The following ANAPC10 variants were observed in gnomAD, a reference collection of about 807,000 sequenced individuals.
The protein encoded by ANAPC10 is anaphase-promoting complex subunit 10.
Under a neutral mutation model 22.0 loss-of-function variants are expected in ANAPC10, and 12 were observed. The observed-to-expected ratio is 0.55, with a 90% CI of 0.35 to 0.88. ANAPC10 has a LOEUF of 0.88. Ranked by LOEUF, ANAPC10 falls within the 40% of genes least tolerant of loss-of-function variation. The pLI, the probability that ANAPC10 is intolerant of heterozygous loss-of-function variation, is 0.01. For synonymous variants in ANAPC10, 65 were observed against 69.5 expected (o/e 0.94, Z 0.32); for missense variants, 188 against 220.9 (o/e 0.85, Z 0.94).
chr4:145,069,961 T>C lies in ANAPC10; in HGVS notation c.207-5269A>G, dbSNP rs865815527. On this transcript the variant is annotated intron_variant, in intron 3 of 4. Transcript: ENST00000507656. The stretch of plus-strand genomic sequence containing the variant: ...TTTTTCATAAAATTGTTATTTATGT[T>C]GTTAACACATAATAGGTTAATTATT... 3.9e-5 allele frequency among the ~76,000 whole-genome samples: 6 copies of C among 152,342 alleles called. 1 individual carries two copies. The highest frequency in any genetic ancestry group is 7.2e-5 in the African/African-American group (3 of 41,584).
chr4:145,036,228 G>A (rs538310405), intron 4 of ANAPC10, among the ~76,000 whole-genome samples: 8 of 152,086 alleles, frequency 5.3e-5, no homozygotes, highest in African/African-American at 1.9e-4. Context: ...TGAAGATAAG[G>A]GAAGTAGATG....
At chr4:145,087,654 G>A (rs1223635925) in intron 2 of ANAPC10, among the ~76,000 whole-genome samples, 1 of 152,182 alleles carries the variant, frequency 6.6e-6, no homozygotes, top group Non-Finnish European at 1.5e-5. Flanking sequence ...ATAGTTTCAT[G>A]TAGCTAGTAG....
At chr4:145,065,249 C>G (rs1302028762) in intron 3 of ANAPC10, among the ~76,000 whole-genome samples, 1 of 151,866 alleles carries the variant, frequency 6.6e-6, no homozygotes, top group East Asian at 1.9e-4. Flanking sequence ...TTAAAATATA[C>G]ATATCCTAGG....
rs1335277962 is a variant in ANAPC10, at chr4:145,054,656, T to C, written c.327+9916A>G. On this transcript the variant is annotated intron_variant, in intron 4 of 4. Transcript: ENST00000507656. ...GTGTGTGTGTGCGCGCGCGCGCGCGTGCGTGCAGCGCATGTGTGTGTGTGT... is the reference window on the plus strand; with the variant it reads ...GTGTGTGTGTGCGCGCGCGCGCGCGCGCGTGCAGCGCATGTGTGTGTGTGT... Among the ~76,000 whole-genome samples, 405 of 140,780 alleles carry C rather than the reference T, an allele frequency of 2.9e-3. 1 individual carries two copies. Among genetic ancestry groups the C allele is most frequent in the Non-Finnish European group, 4.8e-3 (315 of 64,950 alleles). The allele number at this position is 140,780 out of a possible 152,430, so 92.4% of individuals were successfully genotyped here.
intron 4 of ANAPC10, among the ~76,000 whole-genome samples, chr4:145,013,530 T>TA (rs1392025592): frequency 6.6e-6 from 1 of 152,142 alleles, no homozygotes; most frequent in African/African-American, 2.4e-5. Flanking sequence ...CAATCATTAA[T>TA]AAAAAACAGC....
chr4:144,998,430 G>T (rs546905830), intron 4 of ANAPC10, among the ~76,000 whole-genome samples: 1 of 152,212 alleles, frequency 6.6e-6, no homozygotes, highest in Admixed American at 6.5e-5. Context: ...TCAGACCACA[G>T]GGCAATAAAA....
At chr4:145,029,882 C>G (rs1445917888) in intron 4 of ANAPC10, among the ~76,000 whole-genome samples, 1 of 152,052 alleles carries the variant, frequency 6.6e-6, no homozygotes, top group East Asian at 1.9e-4. Flanking sequence ...AGGGCAGCAC[C>G]CCCATTTTTG....
At chr4:145,075,340 T>C (rs1460872277) in intron 3 of ANAPC10, among the ~76,000 whole-genome samples, 1 of 152,192 alleles carries the variant, frequency 6.6e-6, no homozygotes, top group East Asian at 1.9e-4. Flanking sequence ...ATTACATTTA[T>C]TATTTACTAA....
At chr4:145,071,365 C>A (rs1053244311) in intron 3 of ANAPC10, among the ~76,000 whole-genome samples, 4 of 152,154 alleles carry the variant, frequency 2.6e-5, no homozygotes, top group Non-Finnish European at 5.9e-5. Context: ...AAGATCGTGC[C>A]ATTGCACTCC....
rs1241781520 is a variant in ANAPC10, at chr4:145,067,018, C to T, written c.207-2326G>A. On this transcript the variant is annotated intron_variant, in intron 3 of 4. Transcript: ENST00000507656. Reference sequence around the variant, plus strand: ...GAGTTATTATCGTAAGGTTCACGTACCCACAGAAATCGTACGTATAATTTG... The same window carrying T: ...GAGTTATTATCGTAAGGTTCACGTATCCACAGAAATCGTACGTATAATTTG... Among the ~76,000 whole-genome samples, 4 of 149,704 alleles carry T rather than the reference C, an allele frequency of 2.7e-5. No individual in the cohort carries two copies. The Admixed American group carries it at 2.7e-4, about 10-fold the overall frequency.
At chr4:145,022,699 C>A (rs1736125879) in intron 4 of ANAPC10, among the ~76,000 whole-genome samples, 1 of 150,260 alleles carries the variant, frequency 6.7e-6, no homozygotes, top group Non-Finnish European at 1.5e-5. Flanking sequence ...ATATATAGAA[C>A]TTTCTGTGAG....
intron 3 of ANAPC10, 76 bp from the exon 4 acceptor site, chr4:145,064,768 TA>T: frequency 8.0e-7 from 1 of 1,256,622 alleles, no homozygotes. Context: ...CTTCTGATTT[TA>T]AAAATCATAG....
At chr4:144,996,881 A>T (rs865951427) in intron 4 of ANAPC10, among the ~76,000 whole-genome samples, 2 of 152,220 alleles carry the variant, frequency 1.3e-5, no homozygotes, top group Non-Finnish European at 2.9e-5. Flanking sequence ...AACAGCAAAG[A>T]GAAGACCTTA....
At chr4:144,999,763 G>T (rs1732218265) in intron 4 of ANAPC10, among the ~76,000 whole-genome samples, 1 of 152,136 alleles carries the variant, frequency 6.6e-6, no homozygotes, top group South Asian at 2.1e-4. Flanking sequence ...TACGCAAAAA[G>T]AACAAAGTTG....
chr4:145,091,044 TATA>T (rs1160638631), intron 2 of ANAPC10, among the ~76,000 whole-genome samples: 1 of 152,236 alleles, frequency 6.6e-6, no homozygotes, highest in Non-Finnish European at 1.5e-5. Flanking sequence ...ATGCTAATCA[TATA>T]ATGATATTTC....
intron 4 of ANAPC10, among the ~76,000 whole-genome samples, chr4:145,011,346 T>TAAAAC (rs1459689202): frequency 7.2e-6 from 1 of 139,150 alleles, no homozygotes; most frequent in African/African-American, 2.9e-5. Flanking sequence ...AAAAATAAAA[T>TAAAAC]AAAATAAAAT....
intron 4 of ANAPC10, among the ~76,000 whole-genome samples, chr4:145,018,651 T>TAA (rs201017904): frequency 1.5e-5 from 2 of 130,748 alleles, no homozygotes; most frequent in South Asian, 4.8e-4. Context: ...TCTCGAAATC[T>TAA]AAAAAAAAAA....
At chr4:145,089,957 T>A (rs909587916) in intron 2 of ANAPC10, among the ~76,000 whole-genome samples, 1 of 152,196 alleles carries the variant, frequency 6.6e-6, no homozygotes, top group Non-Finnish European at 1.5e-5. Context: ...CAGTAAAGTA[T>A]GAATTGTTTA....
chr4:145,051,923 CAT>C (rs1023024553), intron 4 of ANAPC10, among the ~76,000 whole-genome samples: 22 of 152,268 alleles, frequency 1.4e-4, no homozygotes, highest in African/African-American at 5.3e-4. Context: ...GAGGATTTCA[CAT>C]AGTCTGATTA....
Sources: allele counts gnomAD v4.1 joint callset (sites outside exome capture counted in the v4.1 genomes callset), GRCh38; gene constraint gnomAD v4.1.1; transcripts MANE v1.5; gene names NCBI Gene and HGNC (gene_info 2026-07-23, HGNC 2026-07-21).